SLC12A3: variants seen among roughly 807,000 people sequenced by gnomAD.
SLC12A3 encodes Na-Cl cotransporter.
In SLC12A3, 104 loss-of-function variants were observed where a neutral mutation model predicts 121.0. The observed-to-expected ratio is 0.86, with a 90% CI of 0.73 to 1.01. The LOEUF is 1.01. SLC12A3 is among the 50% of genes least tolerant of loss of function. SLC12A3 has a pLI of 0.00. For synonymous variants in SLC12A3, 536 were observed against 533.4 expected (o/e 1.00, Z -0.07); for missense variants, 1,328 against 1,356.3 (o/e 0.98, Z 0.33).
At chr16:56,900,337 G>A (rs2055520876) in intron 23 of SLC12A3, among the ~76,000 whole-genome samples, 1 of 152,102 alleles carries the variant, frequency 6.6e-6, no homozygotes, top group Non-Finnish European at 1.5e-5. Flanking sequence ...GCTGGTGAAA[G>A]CCAAGGGCAG....
chr16:56,901,742 TG>T (rs1376151966), intron 23 of SLC12A3, among the ~76,000 whole-genome samples: 2 of 152,206 alleles, frequency 1.3e-5, no homozygotes, highest in African/African-American at 2.4e-5. Context: ...CCTGCCCGAC[TG>T]GGCCCTCTCT....
Position 56,870,099 on chromosome 16 carries a change from G to T in SLC12A3, c.605G>T (p.Gly202Val). 1 of 1,613,104 alleles carries T rather than the reference G, an allele frequency of 6.2e-7. No individual in the cohort carries two copies. ...ISTNGKVKSG[G>V]TYFLISRSLG... ...GTTCCCGGCTCTGCCCTGATAGGTGGCACCTACTTCCTCATCTCCCGGAGT... is the reference window on the plus strand; with the variant it reads ...GTTCCCGGCTCTGCCCTGATAGGTGTCACCTACTTCCTCATCTCCCGGAGT... Residue 202 changes from glycine (G) to valine (V), a missense_variant, in exon 5 of 26, where the codon GGC (glycine) becomes GTC (valine). Coordinates refer to ENST00000563236, the MANE Select transcript of SLC12A3 (RefSeq NM_001126108.2).
At chr16:56,910,243 G>A (rs1024142506) in intron 25 of SLC12A3, among the ~76,000 whole-genome samples, 11 of 151,606 alleles carry the variant, frequency 7.3e-5, no homozygotes, top group Non-Finnish European at 1.2e-4. Context: ...GCAGGATCTC[G>A]GCTCACGGCA....
chr16:56,905,338 C>CAAAAAAA (rs59206129), intron 25 of SLC12A3, among the ~76,000 whole-genome samples: 8 of 50,754 alleles, frequency 1.6e-4, no homozygotes, highest in African/African-American at 5.4e-4. Context: ...AACTCCGTCT[C>CAAAAAAA]AAAAAAAAAA....
chr16:56,882,319 C>T, intron 12 of SLC12A3, 77 bp from the exon 13 acceptor site: 1 of 1,246,814 alleles, frequency 8.0e-7, no homozygotes, highest in Non-Finnish European at 1.2e-6. Context: ...GTCCCCCACC[C>T]TGGGAAGGAG....
intron 22 of SLC12A3, among the ~76,000 whole-genome samples, chr16:56,895,341 G>A (rs1003387980): frequency 6.6e-5 from 10 of 150,484 alleles, no homozygotes; most frequent in Admixed American, 3.3e-4. Context: ...AGAGGCGTGC[G>A]CTACCATGCC....
chr16:56,876,481 C>G (rs2055165563), intron 8 of SLC12A3, among the ~76,000 whole-genome samples: 1 of 152,182 alleles, frequency 6.6e-6, no homozygotes, highest in South Asian at 2.1e-4. Flanking sequence ...TGCAGGGGCC[C>G]TGCAGAGCCC....
At chr16:56,905,455 C>A (rs754461858) in intron 25 of SLC12A3, among the ~76,000 whole-genome samples, 5 of 151,872 alleles carry the variant, frequency 3.3e-5, no homozygotes, top group Non-Finnish European at 7.4e-5. Context: ...TCCTACATTT[C>A]CTGGGGGCCA....
chr16:56,877,269 G>A (rs1439757895), intron 8 of SLC12A3, among the ~76,000 whole-genome samples: 1 of 152,012 alleles, frequency 6.6e-6, no homozygotes, highest in Non-Finnish European at 1.5e-5. Context: ...GGTGGTACAT[G>A]CCTGTAGTCC....
intron 23 of SLC12A3, among the ~76,000 whole-genome samples, chr16:56,900,475 A>G (rs1239221348): frequency 6.6e-6 from 1 of 152,176 alleles, no homozygotes; most frequent in Non-Finnish European, 1.5e-5. Flanking sequence ...TTCCAGGAAG[A>G]AGAGACAGCA....
Position 56,902,517 on chromosome 16 carries a change from AG to A in SLC12A3, c.2856+13del. On this transcript the variant is annotated intron_variant, in intron 24 of 25. Transcript: ENST00000563236. ...CGAAGAACAGAGTCAAGGTGCAGAG[AG>A]GGGTGGGGGTGGGAAACGCGACACA... 2.7e-6 allele frequency: 1 copy of A among 363,722 alleles called. No individual in the cohort carries two copies. The highest frequency in any genetic ancestry group is 5.0e-6 in the Non-Finnish European group (1 of 200,776). The allele number at this position is 363,722 out of a possible 1,614,324, so 22.5% of individuals were successfully genotyped here.
intron 25 of SLC12A3, among the ~76,000 whole-genome samples, chr16:56,908,628 C>T (rs547505904): frequency 6.6e-6 from 1 of 152,204 alleles, no homozygotes; most frequent in African/African-American, 2.4e-5. Flanking sequence ...GTGCTGGTTG[C>T]ACACCCAGGA....
rs138839882 is a variant in SLC12A3, at chr16:56,870,214, G to A, written c.720G>A (p.Glu240=). Reference sequence around the variant, plus strand: ...CCATGCACACGGTGGGCTTTGCAGAGACCGTGCGGGACCTGCTCCAGGTGA... The same window carrying A: ...CCATGCACACGGTGGGCTTTGCAGAAACCGTGCGGGACCTGCTCCAGGTGA... ...GVAMHTVGFA[E]TVRDLLQEYG... Residue 240 remains glutamate, a synonymous_variant, in exon 5 of 26, where the codon GAG becomes GAA. Transcript: ENST00000563236. 6.2e-7 allele frequency: 1 copy of A among 1,613,676 alleles called. No individual in the cohort carries two copies. Among genetic ancestry groups the A allele is most frequent in the Non-Finnish European group, 8.5e-7 (1 of 1,180,026 alleles).
chr16:56,871,460 C>T (rs987953069), intron 6 of SLC12A3, among the ~76,000 whole-genome samples: 1 of 152,200 alleles, frequency 6.6e-6, no homozygotes. Flanking sequence ...CAGACTCAGC[C>T]GGACAGGCCC....
chr16:56,888,651 C>CG (rs1567439350), intron 18 of SLC12A3, among the ~76,000 whole-genome samples: 2 of 150,334 alleles, frequency 1.3e-5, no homozygotes. Context: ...CTCCGCCTCC[C>CG]GGGTTCACGC....
intron 12 of SLC12A3, 120 bp from the exon 13 acceptor site, chr16:56,882,276 T>G (rs1407490910): frequency 7.5e-6 from 6 of 795,092 alleles, no homozygotes. Context: ...ATGAGAAGGT[T>G]GAGACTGACT....
chr16:56,894,491 GTGTAT>G (rs764133080), intron 21 of SLC12A3, 35 bp from the exon 22 acceptor site: 1 of 1,423,290 alleles, frequency 7.0e-7, no homozygotes, highest in South Asian at 1.2e-5. Context: ...TCTGTCCTGA[GTGTAT>G]TCTTGTCATG....
At chr16:56,897,194 G>A (rs1236442723) in intron 22 of SLC12A3, among the ~76,000 whole-genome samples, 5 of 152,156 alleles carry the variant, frequency 3.3e-5, no homozygotes, top group Non-Finnish European at 5.9e-5. Context: ...GACAGATGTC[G>A]GCAGGTGGAA....
rs144318189 is a variant in SLC12A3, at chr16:56,884,175, T to C, written c.1796T>C (p.Leu599Pro). ...ALIAIGVVLF[L>P]LLYVIYKKPE... is the part of the protein sequence containing the mutation. ...ATCGCCATTGGCGTGGTGCTCTTCC[T>C]CCTGCTCTATGTCATCTACAAGAAG... Residue 599 changes from leucine to proline, a missense_variant, in exon 14 of 26, where the codon CTC becomes CCC. Coordinates refer to ENST00000563236, the MANE Select transcript of SLC12A3 (RefSeq NM_001126108.2). 1.2e-6 allele frequency: 2 copies of C among 1,614,028 alleles called. No individual in the cohort carries two copies. Among genetic ancestry groups the C allele is most frequent in the African/African-American group, 2.7e-5 (2 of 74,914 alleles).
Sources: gnomAD v4.1 joint callset for allele counts (sites outside exome capture counted in the v4.1 genomes callset) on GRCh38, gnomAD v4.1.1 for gene constraint, MANE v1.5 for transcripts, NCBI Gene and HGNC (gene_info 2026-07-23, HGNC 2026-07-21) for gene names.